Variants in SNTG1 observed in about 807,000 individuals in gnomAD.
SNTG1 encodes gamma-1-syntrophin.
A neutral mutation model predicts 74.7 loss-of-function variants in SNTG1; 39 were observed. That is an observed-to-expected ratio of 0.52 (90% CI 0.40 to 0.68). SNTG1 has a LOEUF of 0.68. Among genes scored for constraint, SNTG1 ranks in the 30% least tolerant of loss-of-function variants. The probability of loss-of-function intolerance (pLI) is 0.00; values close to 1 mark genes in which losing one functional copy is unlikely to be tolerated. For synonymous variants in SNTG1, 254 were observed against 217.1 expected (o/e 1.17, Z -1.49); for missense variants, 685 against 609.5 (o/e 1.12, Z -1.30).
chr8:50,354,235 A>G (rs2091752131), intron 2 of SNTG1, among the ~76,000 whole-genome samples: 1 of 152,232 alleles, frequency 6.6e-6, no homozygotes, highest in African/African-American at 2.4e-5. Flanking sequence ...GTTACAAACA[A>G]TTCTTTATGT....
intron 2 of SNTG1, among the ~76,000 whole-genome samples, chr8:50,173,768 T>G (rs1275731561): frequency 1.3e-5 from 2 of 152,148 alleles, no homozygotes; most frequent in Non-Finnish European, 2.9e-5. Flanking sequence ...ATAGATTGAT[T>G]TCCCTCACCC....
At chr8:50,281,124 A>G (rs1000503472) in intron 2 of SNTG1, among the ~76,000 whole-genome samples, 1 of 152,178 alleles carries the variant, frequency 6.6e-6, no homozygotes, top group Admixed American at 6.5e-5. Flanking sequence ...TCAAAGAAAT[A>G]TGTTTTGGGG....
intron 5 of SNTG1, among the ~76,000 whole-genome samples, chr8:50,445,660 G>A (rs1014367113): frequency 6.6e-6 from 1 of 152,156 alleles, no homozygotes; most frequent in Non-Finnish European, 1.5e-5. Flanking sequence ...CTGTGCTTTA[G>A]AACACTGCCT....
chr8:50,789,139 C>T (rs528497924), intron 18 of SNTG1, among the ~76,000 whole-genome samples: 2 of 152,056 alleles, frequency 1.3e-5, no homozygotes, highest in African/African-American at 4.8e-5. Context: ...AATACCTTCA[C>T]ATGCAGGCTC....
chr8:50,222,570 A>T (rs900823725), intron 2 of SNTG1, among the ~76,000 whole-genome samples: 4 of 152,178 alleles, frequency 2.6e-5, no homozygotes, highest in South Asian at 4.1e-4. Flanking sequence ...GTGCTACAGA[A>T]TACTAGAACA....
At chr8:50,040,459 A>AT (rs1156853030) in intron 1 of SNTG1, among the ~76,000 whole-genome samples, 6 of 152,094 alleles carry the variant, frequency 3.9e-5, no homozygotes. Context: ...GTATATCTTA[A>AT]TTTGTTAGTG....
chr8:50,258,165 A>G (rs986930640), intron 2 of SNTG1, among the ~76,000 whole-genome samples: 20 of 152,220 alleles, frequency 1.3e-4, no homozygotes, highest in African/African-American at 4.6e-4. Flanking sequence ...GAGTTGCTAC[A>G]ATATATTATT....
chr8:50,643,843 C>T (rs919263706), intron 13 of SNTG1: 6 of 152,252 alleles, frequency 3.9e-5, no homozygotes, highest in Non-Finnish European at 2.9e-5. Flanking sequence ...GAGGCTGAGC[C>T]CTGGTTTCCG....
At chr8:50,124,014 T>G (rs2081069626) in intron 1 of SNTG1, among the ~76,000 whole-genome samples, 1 of 142,490 alleles carries the variant, frequency 7.0e-6, no homozygotes, top group African/African-American at 2.5e-5. Flanking sequence ...TCAGTCAGGA[T>G]CTGAACTGTG....
At chr8:50,434,260 G>A (rs2093276920) in intron 4 of SNTG1, among the ~76,000 whole-genome samples, 1 of 152,098 alleles carries the variant, frequency 6.6e-6, no homozygotes, top group Non-Finnish European at 1.5e-5. Context: ...TGGTATATGT[G>A]TGCCACATTT....
intron 2 of SNTG1, among the ~76,000 whole-genome samples, chr8:50,254,604 T>G (rs998000633): frequency 6.6e-6 from 1 of 152,120 alleles, no homozygotes; most frequent in African/African-American, 2.4e-5. Flanking sequence ...CCCAGCACTT[T>G]GGAGACTGAG....
intron 18 of SNTG1, among the ~76,000 whole-genome samples, chr8:50,787,207 A>T (rs1251908084): frequency 6.6e-6 from 1 of 151,988 alleles, no homozygotes; most frequent in Non-Finnish European, 1.5e-5. Context: ...CAGAGAAGAT[A>T]TTCAAATTGT....
At chr8:50,124,844 G>A (rs2081093267) in intron 1 of SNTG1, among the ~76,000 whole-genome samples, 1 of 141,442 alleles carries the variant, frequency 7.1e-6, no homozygotes, top group Non-Finnish European at 1.6e-5. Flanking sequence ...CAGTATGAGA[G>A]TGGGATTAAA....
intron 15 of SNTG1, among the ~76,000 whole-genome samples, chr8:50,666,593 G>A (rs577762532): frequency 6.6e-6 from 1 of 152,170 alleles, no homozygotes; most frequent in South Asian, 2.1e-4. Flanking sequence ...ATTATTCCAT[G>A]TCAGGAGTTT....
rs569707279 is a variant in SNTG1 at position 50,410,421 on chromosome 8, G to A, written c.162+8077G>A. On this transcript the variant is annotated intron_variant, in intron 4 of 18. Coordinates refer to ENST00000642720, the MANE Select transcript of SNTG1 (RefSeq NM_018967.5). Reference sequence around the variant, plus strand: ...TTAAAAAAAACTCTTGTATGCCAATGTTATCATTTATTTGCTGATTTTAAT... The same window carrying A: ...TTAAAAAAAACTCTTGTATGCCAATATTATCATTTATTTGCTGATTTTAAT... Among the ~76,000 whole-genome samples, 24 of 152,100 alleles carry A rather than the reference G, an allele frequency of 1.6e-4. No homozygotes were observed. The South Asian group carries it at 3.9e-3, about 25-fold the overall frequency.
chr8:50,657,592 A>G (rs966113317), intron 14 of SNTG1, among the ~76,000 whole-genome samples: 1 of 152,092 alleles, frequency 6.6e-6, no homozygotes, highest in African/African-American at 2.4e-5. Context: ...AGTCTATCTC[A>G]CCCTATGGTA....
intron 13 of SNTG1, among the ~76,000 whole-genome samples, chr8:50,591,428 A>T (rs971156729): frequency 6.6e-6 from 1 of 152,184 alleles, no homozygotes; most frequent in Non-Finnish European, 1.5e-5. Flanking sequence ...CTATTTATAA[A>T]TGATACATAA....
chr8:50,741,745 T>C (rs1040330112), intron 17 of SNTG1, among the ~76,000 whole-genome samples: 3 of 152,054 alleles, frequency 2.0e-5, no homozygotes, highest in Non-Finnish European at 4.4e-5. Flanking sequence ...TGCACATTAC[T>C]AAGTGAAAGA....
At chr8:50,751,600 G>C (rs1375157220) in intron 17 of SNTG1, among the ~76,000 whole-genome samples, 1 of 151,926 alleles carries the variant, frequency 6.6e-6, no homozygotes, top group Non-Finnish European at 1.5e-5. Context: ...GTTTATTCAA[G>C]CTAATATGTC....
Sources: allele counts gnomAD v4.1 joint callset (sites outside exome capture counted in the v4.1 genomes callset), GRCh38; gene constraint gnomAD v4.1.1; transcripts MANE v1.5; gene names NCBI Gene and HGNC (gene_info 2026-07-23, HGNC 2026-07-21).